Variants in RPS6KA2 observed in about 807,000 individuals in gnomAD.
The protein encoded by RPS6KA2 is ribosomal protein S6 kinase A2, also known as ribosomal protein S6 kinase alpha-2.
Under a neutral mutation model 91.8 loss-of-function variants are expected in RPS6KA2, and 42 were observed. The observed-to-expected ratio is 0.46, with a 90% CI of 0.36 to 0.59. RPS6KA2 has a LOEUF of 0.59. Ranked by LOEUF, RPS6KA2 falls within the 20% of genes least tolerant of loss-of-function variation. The probability of loss-of-function intolerance (pLI) is 0.00; values close to 1 mark genes in which losing one functional copy is unlikely to be tolerated. For synonymous variants in RPS6KA2, 414 were observed against 393.6 expected, an observed-to-expected ratio of 1.05 and a Z score of -0.61; for missense variants, 798 against 978.5, an observed-to-expected ratio of 0.82 and a Z score of 2.46.
Position 166,862,107 on chromosome 6 carries a change from C to T in RPS6KA2, c.63+1G>A, listed in dbSNP as rs770664730. 6.2e-7 allele frequency: 1 copy of T among 1,614,240 alleles called. No individual in the cohort carries two copies. Among genetic ancestry groups the T allele is most frequent in the Non-Finnish European group, 8.5e-7 (1 of 1,180,042 alleles). ...AAAAGTGCGTTCTCTCCTGCACTCA[C>T]CTCTATTTCCATAGGCTCCACCTCG... On this transcript the variant is annotated splice_donor_variant, in intron 1 of 21. Coordinates refer to the RPS6KA2 transcript ENST00000503859. LOFTEE classifies it high-confidence loss of function.
intron 2 of RPS6KA2, among the ~76,000 whole-genome samples, chr6:166,781,151 G>A (rs1778759305): frequency 6.6e-6 from 1 of 152,144 alleles, no homozygotes; most frequent in South Asian, 2.1e-4. Context: ...TTAAATTTAT[G>A]AAGGTCATAG....
chr6:166,759,835 C>T (rs1778118623), intron 2 of RPS6KA2, among the ~76,000 whole-genome samples: 1 of 152,218 alleles, frequency 6.6e-6, no homozygotes, highest in African/African-American at 2.4e-5. Context: ...CGTATCCTCG[C>T]CCAGCGGTCA....
chr6:166,715,309 G>A (rs1159919811), intron 2 of RPS6KA2, among the ~76,000 whole-genome samples: 7 of 152,176 alleles, frequency 4.6e-5, no homozygotes, highest in South Asian at 2.1e-4. Context: ...CATAGAAGCC[G>A]GGCCTTCTCC....
intron 10 of RPS6KA2, among the ~76,000 whole-genome samples, chr6:166,487,633 AG>A (rs1781455844): frequency 6.6e-6 from 1 of 152,240 alleles, no homozygotes; most frequent in South Asian, 2.1e-4. Context: ...ATCTGCAGGA[AG>A]GAAGAGTGGT....
chr6:166,713,100 A>G (rs939850203), intron 2 of RPS6KA2, among the ~76,000 whole-genome samples: 8 of 152,148 alleles, frequency 5.3e-5, no homozygotes, highest in African/African-American at 1.9e-4. Context: ...TCAGTTTCTG[A>G]TGAGCTTCCA....
rs536768149 is a variant in RPS6KA2 at position 166,571,201 on chromosome 6, A to G, written c.100-32417T>C. 3.9e-5 allele frequency among the ~76,000 whole-genome samples: 6 copies of G among 152,358 alleles called. No individual in the cohort carries two copies. The East Asian group carries it at 1.2e-3, about 29-fold the overall frequency. ...AGCGCGGGACCAACCCATAAGGGAT[A>G]CCGGGGAAACTGCCATGAAATTCAT... On this transcript the variant is annotated intron_variant, in intron 1 of 20. Coordinates refer to ENST00000265678, the MANE Select transcript of RPS6KA2 (RefSeq NM_021135.6).
Position 166,737,076 on chromosome 6 carries a change from C to T in RPS6KA2, c.123+121124G>A, listed in dbSNP as rs56410210. Among the ~76,000 whole-genome samples, 14,599 of 152,112 alleles carry T rather than the reference C, an allele frequency of 0.096. 1,349 individuals are homozygous for T. The highest frequency in any genetic ancestry group is 0.24 in the African/African-American group (9,994 of 41,446). On this transcript the variant is annotated intron_variant, in intron 2 of 21. Transcript: ENST00000503859. The surrounding 1 kb of genome is among the most constrained non-coding windows in gnomAD (Gnocchi z 4.3). ...CATGGAGCCTACGCTTTTTTACAGA[C>T]GCAAAAAGATAGATGCACATTCTTT...
chr6:166,496,228 T>A (rs1203834455), intron 8 of RPS6KA2, among the ~76,000 whole-genome samples: 3 of 151,738 alleles, frequency 2.0e-5, no homozygotes, highest in Admixed American at 1.3e-4. Context: ...CGGGTGCCTG[T>A]AGTCGCAGCT....
chr6:166,753,360 A>G (rs904397360), intron 2 of RPS6KA2, among the ~76,000 whole-genome samples: 4 of 152,236 alleles, frequency 2.6e-5, no homozygotes, highest in Admixed American at 2.0e-4. Context: ...TTTTAGTTAT[A>G]ACTTCAGAAA....
intron 1 of RPS6KA2, among the ~76,000 whole-genome samples, chr6:166,589,875 A>G (rs940452520): frequency 1.3e-5 from 2 of 152,214 alleles, no homozygotes; most frequent in African/African-American, 4.8e-5. Flanking sequence ...CAGAATGGAG[A>G]GAGACTTGGG....
chr6:166,653,021 G>T (rs1357295184), intron 2 of RPS6KA2, among the ~76,000 whole-genome samples: 1 of 152,192 alleles, frequency 6.6e-6, no homozygotes, highest in Non-Finnish European at 1.5e-5. Flanking sequence ...CACAGAACCT[G>T]CCACTAGGCA....
At chr6:166,443,605 G>A (rs1463064858) in intron 14 of RPS6KA2, among the ~76,000 whole-genome samples, 1 of 152,226 alleles carries the variant, frequency 6.6e-6, no homozygotes, top group Non-Finnish European at 1.5e-5. Context: ...ATGGAAGGCT[G>A]CTGTGAAATT....
upstream of RPS6KA2, among the ~76,000 whole-genome samples, chr6:166,632,017 C>A (rs567789283): frequency 1.3e-5 from 2 of 152,344 alleles, no homozygotes; most frequent in Admixed American, 1.3e-4. Context: ...CTAACTCCAG[C>A]TGCCATGCGG....
At chr6:166,602,138 G>A (rs1214443718) in intron 1 of RPS6KA2, among the ~76,000 whole-genome samples, 12 of 152,240 alleles carry the variant, frequency 7.9e-5, no homozygotes, top group African/African-American at 2.7e-4. Flanking sequence ...ATCGGGCAGT[G>A]CGTGTTCCGG....
intron 2 of RPS6KA2, among the ~76,000 whole-genome samples, chr6:166,654,959 TA>T (rs773814819): frequency 4.4e-5 from 6 of 137,392 alleles, no homozygotes; most frequent in Admixed American, 1.5e-4. Context: ...ATAAAAAATG[TA>T]AAAAAAAATA....
chr6:166,456,795 C>T lies in RPS6KA2; in HGVS notation c.1075+2654G>A, dbSNP rs150555862. 4.9e-4 allele frequency among the ~76,000 whole-genome samples: 75 copies of T among 152,336 alleles called. 1 individual carries two copies. In the East Asian group the frequency reaches 0.013, roughly 27 times the overall value. ...TCTTTAGCACTTCAATTACTACCTA[C>T]CTCAAAGGCAAACAGTGGTGTGATA... On this transcript the variant is annotated intron_variant, in intron 12 of 20. Coordinates refer to ENST00000265678, the MANE Select transcript of RPS6KA2 (RefSeq NM_021135.6).
At chr6:166,452,140 A>G (rs997170232) in intron 12 of RPS6KA2, among the ~76,000 whole-genome samples, 2 of 152,042 alleles carry the variant, frequency 1.3e-5, no homozygotes, top group African/African-American at 2.4e-5. Context: ...AAAGAAATCA[A>G]TCACATCTGG....
Position 166,410,322 on chromosome 6 carries a change from CCTT to C in RPS6KA2, c.*2437_*2439del, listed in dbSNP as rs2128432571. ...TGGCAAAATGCGAATTCTAAGAACA[CCTT>C]CATTTACATGTCGACTGCTGCTTGA... is the stretch of plus-strand genomic sequence containing the variant. On this transcript the variant is annotated 3_prime_UTR_variant, in exon 21 of 21. Transcript: ENST00000265678. 6.6e-6 allele frequency: 1 copy of C among 152,474 alleles called. No homozygotes were observed. Among genetic ancestry groups the C allele is most frequent in the East Asian group, 1.9e-4 (1 of 5,186 alleles). The allele number at this position is 152,474 out of a possible 1,614,324, so 9.4% of individuals were successfully genotyped here.
At chr6:166,746,175 G>A (rs576098151) in intron 2 of RPS6KA2, among the ~76,000 whole-genome samples, 2 of 152,322 alleles carry the variant, frequency 1.3e-5, no homozygotes, top group East Asian at 1.9e-4. Flanking sequence ...CCCAGCTGGA[G>A]TATGCAGGCT....
Sources: gnomAD v4.1 joint callset for allele counts (sites outside exome capture counted in the v4.1 genomes callset) on GRCh38, gnomAD v4.1.1 for gene constraint, Gnocchi (gnomAD v3.1) non-coding constraint, MANE v1.5 for transcripts, NCBI Gene and HGNC (gene_info 2026-07-23, HGNC 2026-07-21) for gene names.